Variants in SACM1L observed in about 807,000 individuals in gnomAD.
SACM1L encodes the protein SAC1 like phosphatidylinositide phosphatase.
Under a neutral mutation model 89.5 loss-of-function variants are expected in SACM1L, and 32 were observed. The observed-to-expected ratio is 0.36, with a 90% CI of 0.27 to 0.48. The LOEUF (loss-of-function observed/expected upper bound fraction) is 0.48. Ranked by LOEUF, SACM1L falls within the 20% of genes least tolerant of loss-of-function variation. SACM1L has a pLI of 0.99. For synonymous variants in SACM1L, 213 were observed against 232.8 expected (o/e 0.92, Z 0.77); for missense variants, 543 against 708.5 (o/e 0.77, Z 2.65).
chr3:45,732,552 T>C (rs1290484659), intron 13 of SACM1L, among the ~76,000 whole-genome samples: 1 of 152,236 alleles, frequency 6.6e-6, no homozygotes, highest in African/African-American at 2.4e-5. Flanking sequence ...TATCATAACA[T>C]AGTTCTAAGA....
chr3:45,723,664 C>T (rs1698840875), intron 11 of SACM1L, 121 bp downstream of exon 11: 1 of 336,998 alleles, frequency 3.0e-6, no homozygotes, highest in Non-Finnish European at 5.5e-6. Context: ...TCATAATGTG[C>T]AGCCATCATC....
chr3:45,723,460 C>CT lies in SACM1L; in HGVS notation c.853-10dup. ...TAATGTACTCCAGTAAAATATGTAA[C>CT]TTTTTCCTCTCTAGATGGACGGTTT... On this transcript the variant is annotated splice_polypyrimidine_tract_variant and intron_variant, in intron 10 of 19. Coordinates refer to ENST00000389061, the MANE Select transcript of SACM1L (RefSeq NM_014016.5). 1 of 1,333,338 alleles carries CT rather than the reference C, an allele frequency of 7.5e-7. No homozygotes were observed. Among genetic ancestry groups the CT allele is most frequent in the African/African-American group, 1.5e-5 (1 of 66,334 alleles). 82.6% of individuals were successfully genotyped at this position (1,333,338 alleles called of 1,614,324 possible).
chr3:45,732,220 G>C, intron 13 of SACM1L, 69 bp downstream of exon 13: 1 of 833,596 alleles, frequency 1.2e-6, no homozygotes, highest in East Asian at 2.6e-5. Flanking sequence ...TTTATTATGC[G>C]TCATCCAGCA....
At chr3:45,722,777 A>G (rs1313270071) in intron 9 of SACM1L, 92 bp from the exon 10 acceptor site, 1 of 846,594 alleles carries the variant, frequency 1.2e-6, no homozygotes, top group African/African-American at 1.7e-5. Flanking sequence ...TTTCCCTTGC[A>G]TATTCATTAA....
At chr3:45,724,864 A>T (rs1357742305) in intron 11 of SACM1L, among the ~76,000 whole-genome samples, 2 of 152,120 alleles carry the variant, frequency 1.3e-5, no homozygotes, top group African/African-American at 4.8e-5. Flanking sequence ...TAATTTTTGT[A>T]TATGGTGTAG....
At chr3:45,712,990 A>T in intron 5 of SACM1L, 147 bp from the exon 6 acceptor site, 1 of 602,468 alleles carries the variant, frequency 1.7e-6, no homozygotes, top group Non-Finnish European at 2.9e-6. Flanking sequence ...GGAGGTACAG[A>T]TTTGCGGGGG....
chr3:45,740,209 T>A (rs1699285890), intron 19 of SACM1L, among the ~76,000 whole-genome samples: 1 of 152,184 alleles, frequency 6.6e-6, no homozygotes, highest in South Asian at 2.1e-4. Context: ...GCTCAGTAAA[T>A]CTGCATTTTA....
chr3:45,738,698 G>A, intron 17 of SACM1L, 27 bp downstream of exon 17: 1 of 1,544,600 alleles, frequency 6.5e-7, no homozygotes, highest in Non-Finnish European at 9.0e-7. Context: ...TGCTTTCCTG[G>A]CATTACGTGG....
At chr3:45,702,132 AT>A (rs1698289644) in intron 1 of SACM1L, among the ~76,000 whole-genome samples, 1 of 152,200 alleles carries the variant, frequency 6.6e-6, no homozygotes. Flanking sequence ...AACTAGCCTA[AT>A]ATTTAGTTAG....
chr3:45,699,831 T>C (rs1698225616), intron 1 of SACM1L, among the ~76,000 whole-genome samples: 1 of 152,206 alleles, frequency 6.6e-6, no homozygotes, highest in Non-Finnish European at 1.5e-5. Flanking sequence ...CGAGAAAAAC[T>C]TTTAATTGCT....
intron 10 of SACM1L, 97 bp downstream of exon 10, chr3:45,723,052 T>C (rs2742449): frequency 0.63 from 651,854 of 1,034,258 alleles, 209,040 homozygotes; most frequent in Non-Finnish European, 0.66. Context: ...CATAAATCAA[T>C]GTTCAACATC....
chr3:45,714,950 A>G (rs1698615751), intron 7 of SACM1L, among the ~76,000 whole-genome samples: 2 of 152,226 alleles, frequency 1.3e-5, no homozygotes, highest in Admixed American at 6.5e-5. Context: ...TTATAATACC[A>G]TATTTCTACT....
intron 19 of SACM1L, among the ~76,000 whole-genome samples, chr3:45,741,595 G>T (rs747688977): frequency 1.3e-5 from 2 of 152,122 alleles, no homozygotes; most frequent in Non-Finnish European, 2.9e-5. Context: ...TTGATAGGGA[G>T]GCTCAGTTAC....
chr3:45,710,253 T>C (rs1000252261), intron 5 of SACM1L, among the ~76,000 whole-genome samples: 7 of 151,912 alleles, frequency 4.6e-5, no homozygotes, highest in Admixed American at 4.6e-4. Context: ...TAGGCTGTAG[T>C]GCAGTGGTGC....
At chr3:45,704,954 A>C (rs1175054082) in intron 2 of SACM1L, among the ~76,000 whole-genome samples, 181 bp from the exon 3 acceptor site, 1 of 152,174 alleles carries the variant, frequency 6.6e-6, no homozygotes, top group African/African-American at 2.4e-5. Flanking sequence ...TTGCTGTTAC[A>C]CTCCAGTTTA....
chr3:45,744,505 A>AT lies in SACM1L; in HGVS notation c.*838dup, dbSNP rs1172018419. 5 of 152,640 alleles carry AT rather than the reference A, an allele frequency of 3.3e-5. No homozygotes were observed. The highest frequency in any genetic ancestry group is 3.3e-4 in the Admixed American group (5 of 15,280). The allele number at this position is 152,640 out of a possible 1,614,324, so 9.5% of individuals were successfully genotyped here. A position where few individuals can be genotyped will look rare whatever the true frequency, so the allele number is the denominator to read the frequency against. On this transcript the variant is annotated 3_prime_UTR_variant, in exon 20 of 20. Transcript: ENST00000389061. ...ATTTTGGTTTCTTTGAGGGTCACTC[A>AT]TTGAGACACGCAGGCCTCTGAGAGG...
At chr3:45,696,409 G>A (rs1178830884) in intron 1 of SACM1L, among the ~76,000 whole-genome samples, 1 of 152,172 alleles carries the variant, frequency 6.6e-6, no homozygotes, top group Non-Finnish European at 1.5e-5. Context: ...GCTATTGTGA[G>A]TAATGCCAGT....
At chr3:45,689,831 C>T (rs1022947556) in intron 1 of SACM1L, 2 of 483,466 alleles carry the variant, frequency 4.1e-6, no homozygotes, top group Non-Finnish European at 7.4e-6. Flanking sequence ...GCAGAGCTAC[C>T]GACTAAATTT....
chr3:45,706,267 A>T (rs986102001), intron 3 of SACM1L, among the ~76,000 whole-genome samples: 12 of 152,182 alleles, frequency 7.9e-5, no homozygotes, highest in Admixed American at 7.9e-4. Context: ...TGACTCCTTG[A>T]TTCCTGACCA....
Sources: gnomAD v4.1 joint callset for allele counts (sites outside exome capture counted in the v4.1 genomes callset) on GRCh38, gnomAD v4.1.1 for gene constraint, MANE v1.5 for transcripts, NCBI Gene and HGNC (gene_info 2026-07-23, HGNC 2026-07-21) for gene names.